The following TRAPPC14 variants were observed in gnomAD, a reference collection of about 807,000 sequenced individuals.
The protein encoded by TRAPPC14 is trafficking protein particle complex subunit 14, also known as microtubule associated protein 11.
TRAPPC14 carries 24 observed loss-of-function variants against 56.6 expected under a neutral mutation model. The observed-to-expected ratio is 0.42, with a 90% CI of 0.31 to 0.60. The LOEUF (loss-of-function observed/expected upper bound fraction) is 0.60, where lower values mean the gene tolerates loss of function less well. Among genes scored for constraint, TRAPPC14 ranks in the 20% least tolerant of loss-of-function variants. TRAPPC14 has a pLI of 0.14. For missense variants in TRAPPC14, 615 were observed against 790.3 expected, an observed-to-expected ratio of 0.78 and a Z score of 2.66; for synonymous variants, 377 against 347.0, an observed-to-expected ratio of 1.09 and a Z score of -0.96.
Position 100,154,600 on chromosome 7 carries a change from C to T in TRAPPC14, c.*411G>A. The T allele has an allele frequency of 4.1e-6, 1 of 241,430 alleles. No individual in the cohort carries two copies. 15.0% of individuals were successfully genotyped at this position (241,430 alleles called of 1,614,324 possible). ...ACCCCTGAGACAGGAAGGTCACTGT[C>T]AGGGGCCCTTAGCCATCACCACCCT... On this transcript the variant is annotated 3_prime_UTR_variant, in exon 11 of 11. Transcript: ENST00000316937.
At position 100,155,007 on chromosome 7, in the gene TRAPPC14, G is replaced by C. The variant is rs757115018; in HGVS notation, c.*4C>G. 10 of 1,613,954 alleles carry C rather than the reference G, an allele frequency of 6.2e-6. No homozygotes were observed. In the East Asian group the frequency reaches 2.0e-4, roughly 32 times the overall value. On this transcript the variant is annotated 3_prime_UTR_variant, in exon 11 of 11. Transcript: ENST00000316937. The stretch of plus-strand genomic sequence containing the variant: ...GTGTAAGAGGGAACAGAGCTGGCAC[G>C]GTGCTACTTGACGGGTTCCACCACC...
intron 4 of TRAPPC14, 59 bp downstream of exon 4, chr7:100,157,314 A>G: frequency 2.5e-6 from 4 of 1,612,958 alleles, no homozygotes; most frequent in African/African-American, 1.3e-5. Flanking sequence ...GCCCAGAGGA[A>G]CTGCATCCAA....
chr7:100,155,853 C>T lies in TRAPPC14; in HGVS notation c.1241-28G>A, dbSNP rs1482488568. The T allele has an allele frequency of 3.1e-6, 5 of 1,614,112 alleles. No homozygotes were observed. In the East Asian group the frequency reaches 6.7e-5, roughly 22 times the overall value. Reference sequence around the variant, plus strand: ...GGGGGCAGAAACAGGGACCAGCAAACACTACAGCGTTCCTCATTCCCACAG... The same window carrying T: ...GGGGGCAGAAACAGGGACCAGCAAATACTACAGCGTTCCTCATTCCCACAG... On this transcript the variant is annotated intron_variant, in intron 8 of 10. Transcript: ENST00000316937.
chr7:100,157,415 G>C lies in TRAPPC14; in HGVS notation c.682C>G (p.Arg228Gly). 6.2e-7 allele frequency: 1 copy of C among 1,613,976 alleles called. No homozygotes were observed. Among genetic ancestry groups the C allele is most frequent in the South Asian group, 1.1e-5 (1 of 91,058 alleles). ...TLLPPPVLRC[R>G]QFTVAGKHLT... ...TGTTTTCCAGCCACAGTGAACTGCC[G>C]GCATCTCAGAACCGGAGGGGGCAGC... Residue 228 changes from arginine (R) to glycine (G), a missense_variant, in exon 4 of 11, where the codon CGG (arginine) becomes GGG (glycine). Arg to Gly is a moderately radical substitution (Grantham distance 125). Transcript: ENST00000316937.
At position 100,155,683 on chromosome 7, in the gene TRAPPC14, C is replaced by G. The variant is rs768866911; in HGVS notation, c.1383G>C (p.Thr461=). 3.7e-6 allele frequency: 6 copies of G among 1,606,430 alleles called. No individual in the cohort carries two copies. Among genetic ancestry groups the G allele is most frequent in the Middle Eastern group, 3.3e-4 (2 of 6,000 alleles). ...CTCCCCAGCCCACCTCGAAGAGCCC[C>G]GTCCTCAGAGCCTGGAAGGCCACAC... ...TFSVAFQALR[T]GLFELSQHMK... Residue 461 remains threonine (T), a synonymous_variant, in exon 9 of 11, where the codon ACG becomes ACC. Coordinates refer to ENST00000316937, the MANE Select transcript of TRAPPC14 (RefSeq NM_018275.5).
intron 7 of TRAPPC14, 21 bp from the exon 8 acceptor site, chr7:100,156,570 A>G (rs1798885782): frequency 1.9e-6 from 3 of 1,613,474 alleles, no homozygotes; most frequent in Non-Finnish European, 2.5e-6. Flanking sequence ...TGAGAGAGGG[A>G]TGCTGGCTGT....
At position 100,156,684 on chromosome 7, in the gene TRAPPC14, C is replaced by T; in HGVS notation, c.1026G>A (p.Gln342=). The stretch of plus-strand genomic sequence containing the variant: ...TGAAGGGCAGCTTTGGGGTAGACCA[C>T]TGAACCACAGCAATCAGGGGAACTT... The part of the protein sequence containing the change: ...GLEVPLIAVV[Q]WSTPKLPFTQ... The change falls in exon 7 of 11, where the codon CAG becomes CAA. Residue 342 remains glutamine, a synonymous_variant. Transcript: ENST00000316937. The T allele has an allele frequency of 6.2e-7, 1 of 1,612,742 alleles. No individual in the cohort carries two copies. The highest frequency in any genetic ancestry group is 8.5e-7 in the Non-Finnish European group (1 of 1,179,290).
In TRAPPC14 at chr7:100,158,094, T is replaced by C. The variant is rs967265566; in HGVS notation, c.406A>G (p.Thr136Ala). Residue 136 changes from threonine (T) to alanine (A), a missense_variant, in exon 1 of 11, where the codon ACC becomes GCC. By Grantham distance (58) the Thr-to-Ala change is moderately conservative. Transcript: ENST00000316937. Reference protein sequence around the residue: ...GPGPATSGGATTLPVEEPIVS... With the variant: ...GPGPATSGGAATLPVEEPIVS... ...GGTCCCCCAAAGCTCCTCACCGTGG[T>C]CGCTCCCCCTGAGGTAGCAGGGCCC... The C allele has an allele frequency of 6.7e-7, 1 of 1,487,710 alleles. No individual in the cohort carries two copies. The highest frequency in any genetic ancestry group is 8.9e-7 in the Non-Finnish European group (1 of 1,119,552). 92.2% of individuals were successfully genotyped at this position (1,487,710 alleles called of 1,614,324 possible). A position where few individuals can be genotyped will look rare whatever the true frequency, so the allele number is the denominator to read the frequency against.
intron 3 of TRAPPC14, 58 bp downstream of exon 3, chr7:100,157,575 C>A: frequency 1.9e-6 from 3 of 1,608,506 alleles, no homozygotes; most frequent in Non-Finnish European, 2.5e-6. Context: ...TGTGACCCCT[C>A]CCCTCTGTCC....
At position 100,155,000 on chromosome 7, in the gene TRAPPC14, C is replaced by T. The variant is rs759033183; in HGVS notation, c.*11G>A. Reference sequence around the variant, plus strand: ...CTCTGGAGTGTAAGAGGGAACAGAGCTGGCACGGTGCTACTTGACGGGTTC... The same window carrying T: ...CTCTGGAGTGTAAGAGGGAACAGAGTTGGCACGGTGCTACTTGACGGGTTC... On this transcript the variant is annotated 3_prime_UTR_variant, in exon 11 of 11. Transcript: ENST00000316937. 1.9e-6 allele frequency: 3 copies of T among 1,614,034 alleles called. No individual in the cohort carries two copies. Among genetic ancestry groups the T allele is most frequent in the African/African-American group, 1.3e-5 (1 of 75,044 alleles).
chr7:100,158,636 C>T lies in TRAPPC14; in HGVS notation c.-137G>A. The T allele has an allele frequency of 1.1e-6, 1 of 895,228 alleles. No homozygotes were observed. The highest frequency in any genetic ancestry group is 1.5e-6 in the Non-Finnish European group (1 of 677,728). The allele number at this position is 895,228 out of a possible 1,614,324, so 55.5% of individuals were successfully genotyped here. A position where few individuals can be genotyped will look rare whatever the true frequency, so the allele number is the denominator to read the frequency against. ...GGGCGGCCGGAGAGACCGGCCCGGT[C>T]CCGGCACCGGGGCAACGAACCCGAA... On this transcript the variant is annotated 5_prime_UTR_variant, in exon 1 of 11. Transcript: ENST00000316937.
chr7:100,157,446 C>G lies in TRAPPC14; in HGVS notation c.651G>C (p.Leu217=). Residue 217 remains leucine, a synonymous_variant, in exon 4 of 11, where the codon CTG becomes CTC. Transcript: ENST00000316937. ...SAFKAQVSTL[L]TLLPPPVLRC... ...TCAGAACCGGAGGGGGCAGCAGAGT[C>G]AGCAGCGTGCTCACTGCGGGAGGGG... The G allele has an allele frequency of 1.9e-6, 3 of 1,613,424 alleles. No homozygotes were observed. The highest frequency in any genetic ancestry group is 2.5e-6 in the Non-Finnish European group (3 of 1,179,976).
Position 100,157,410 on chromosome 7 carries a change from C to T in TRAPPC14, c.687G>A (p.Gln229=), listed in dbSNP as rs1193327062. The part of the protein sequence containing the change: ...LLPPPVLRCR[Q]FTVAGKHLTV... ...TCAAGTGTTTTCCAGCCACAGTGAACTGCCGGCATCTCAGAACCGGAGGGG... is the reference window on the plus strand; with the variant it reads ...TCAAGTGTTTTCCAGCCACAGTGAATTGCCGGCATCTCAGAACCGGAGGGG... Residue 229 remains glutamine, a synonymous_variant, in exon 4 of 11, where the codon CAG becomes CAA. Transcript: ENST00000316937. 3 of 1,614,112 alleles carry T rather than the reference C, an allele frequency of 1.9e-6. No individual in the cohort carries two copies. Among genetic ancestry groups the T allele is most frequent in the Admixed American group, 3.3e-5 (2 of 60,032 alleles).
At chr7:100,155,229 C>T in intron 10 of TRAPPC14, 33 bp downstream of exon 10, 1 of 1,595,026 alleles carries the variant, frequency 6.3e-7, no homozygotes, top group Non-Finnish European at 8.5e-7. Context: ...CCATCCTCTA[C>T]CCGGTCCCAT....
intron 4 of TRAPPC14, 51 bp downstream of exon 4, chr7:100,157,322 C>T (rs780476452): frequency 1.7e-5 from 27 of 1,608,636 alleles, no homozygotes; most frequent in Non-Finnish European, 2.3e-5. Flanking sequence ...GAACTGCATC[C>T]AATCAGTTCC....
At position 100,157,120 on chromosome 7, in the gene TRAPPC14, G is replaced by C. The variant is rs1369723940; in HGVS notation, c.819C>G (p.Gly273=). ...NASYLPVMPD[G]SVLLVDNVCH... ...AGACATTGTCCACCAGCAGCACAGA[G>C]CCATCGGGCATGACAGGTAGATAAC... is the stretch of plus-strand genomic sequence containing the variant. Residue 273 remains glycine, a synonymous_variant, in exon 5 of 11, where the codon GGC becomes GGG. Transcript: ENST00000316937. 1 of 1,614,200 alleles carries C rather than the reference G, an allele frequency of 6.2e-7. No individual in the cohort carries two copies. The highest frequency in any genetic ancestry group is 2.2e-5 in the East Asian group (1 of 44,880).
At chr7:100,158,055 T>C in intron 1 of TRAPPC14, 34 bp downstream of exon 1, 1 of 1,417,790 alleles carries the variant, frequency 7.1e-7, no homozygotes. Flanking sequence ...AAACCGCCCC[T>C]CCGTCCTGTG....
Position 100,158,551 on chromosome 7 carries a change from G to A in TRAPPC14, c.-52C>T. ...AGCCCGGACCGGAGGCCGACCGCCG[G>A]CGGGGCCCGCTAGGGTGGGTCCAGA... On this transcript the variant is annotated 5_prime_UTR_variant, in exon 1 of 11. Transcript: ENST00000316937. 7.7e-7 allele frequency: 1 copy of A among 1,306,758 alleles called. No homozygotes were observed. The highest frequency in any genetic ancestry group is 9.7e-7 in the Non-Finnish European group (1 of 1,029,924). 80.9% of individuals were successfully genotyped at this position (1,306,758 alleles called of 1,614,324 possible). A position where few individuals can be genotyped will look rare whatever the true frequency, so the allele number is the denominator to read the frequency against.
Position 100,155,818 on chromosome 7 carries a change from C to T in TRAPPC14, c.1248G>A (p.Gln416=). The change falls in exon 9 of 11, where the codon CAG becomes CAA. Residue 416 remains glutamine, a synonymous_variant. Coordinates refer to ENST00000316937, the MANE Select transcript of TRAPPC14 (RefSeq NM_018275.5). ...TGGCCCGGCGCTCCTCCTCACACAG[C>T]TGCTTTCCTGGGGGCAGAAACAGGG... ...WTPEHAQAGK[Q]LCEEERRAMQ... The T allele has an allele frequency of 6.2e-7, 1 of 1,614,244 alleles. No homozygotes were observed. Among genetic ancestry groups the T allele is most frequent in the South Asian group, 1.1e-5 (1 of 91,092 alleles).
Sources: allele counts gnomAD v4.1 joint callset, GRCh38; gene constraint gnomAD v4.1.1; transcripts MANE v1.5; gene names NCBI Gene and HGNC (gene_info 2026-07-23, HGNC 2026-07-21).